C1orf167: variants seen among roughly 807,000 people sequenced by gnomAD.
C1orf167 encodes uncharacterized protein C1orf167.
In C1orf167, 153 loss-of-function variants were observed where a neutral mutation model predicts 176.5. The observed-to-expected ratio is 0.87, with a 90% CI of 0.76 to 0.99. The LOEUF (loss-of-function observed/expected upper bound fraction) is 0.99. Among genes scored for constraint, C1orf167 ranks in the 50% least tolerant of loss-of-function variants. The pLI is 0.00. For missense variants in C1orf167, 1,490 were observed against 1,817.7 expected (o/e 0.82, Z 3.28); for synonymous variants, 594 against 752.7 (o/e 0.79, Z 3.45).
intron 9 of C1orf167, 70 bp from the exon 10 acceptor site, chr1:11,776,394 G>T: frequency 2.1e-5 from 26 of 1,231,994 alleles, no homozygotes; most frequent in Non-Finnish European, 2.7e-5. Flanking sequence ...TGAGGCAGCA[G>T]CTATCAATGG....
chr1:11,781,359 G>A (rs1037299338), intron 13 of C1orf167, among the ~76,000 whole-genome samples: 3 of 152,146 alleles, frequency 2.0e-5, no homozygotes, highest in African/African-American at 7.2e-5. Flanking sequence ...GCCAAATTCT[G>A]TCTGTTAAAA....
chr1:11,772,904 A>ATTATTATTATTATTATT (rs56228938), intron 8 of C1orf167, among the ~76,000 whole-genome samples: 71 of 146,462 alleles, frequency 4.8e-4, no homozygotes, highest in Admixed American at 1.4e-3. Context: ...CATTATTATT[A>ATTATTATTATTATTATT]TTATTATTAT....
Position 11,768,254 on chromosome 1 carries a change from G to A in C1orf167, c.1521G>A (p.Leu507=), listed in dbSNP as rs1177904828. The A allele has an allele frequency of 7.8e-7, 1 of 1,289,966 alleles. No individual in the cohort carries two copies. Among genetic ancestry groups the A allele is most frequent in the Non-Finnish European group, 1.0e-6 (1 of 988,842 alleles). 79.9% of individuals were successfully genotyped at this position (1,289,966 alleles called of 1,614,324 possible). The part of the protein sequence containing the change: ...EAAWGQYTKV[L]LVRSFREWRN... ...CATGGGGGCAGTACACAAAGGTTCT[G>A]CTGGTCCGGAGCTTCCGAGAGGTCA... The change falls in exon 5 of 21, where the codon CTG becomes CTA. Residue 507 remains leucine, a synonymous_variant. Transcript: ENST00000688073. This position sits in a 1 kb window ranked among gnomAD's most constrained non-coding sequence, Gnocchi z 4.5.
At position 11,776,474 on chromosome 1, in the gene C1orf167, T is replaced by C. The variant is rs1470925690; in HGVS notation, c.2175T>C (p.Ala725=). 1 of 1,301,966 alleles carries C rather than the reference T, an allele frequency of 7.7e-7. No homozygotes were observed. Among genetic ancestry groups the C allele is most frequent in the Non-Finnish European group, 1.0e-6 (1 of 988,038 alleles). The allele number at this position is 1,301,966 out of a possible 1,614,324, so 80.7% of individuals were successfully genotyped here. ...SLCRQKAGRE[A]VYTAGPGACG... ...TTGACGGTTTCTCAGGACGTGAGGC[T>C]GTCTACACCGCAGGCCCTGGAGCCT... The change falls in exon 10 of 21, where the codon GCT becomes GCC. Residue 725 remains alanine, a synonymous_variant. Transcript: ENST00000688073.
Position 11,784,575 on chromosome 1 carries a change from C to A in C1orf167, c.3407C>A (p.Ser1136Tyr). ...CRGQVSRAHASWKPRAWVLEA... is the reference protein window; with the variant it reads ...CRGQVSRAHAYWKPRAWVLEA... ...GGCCAGGTCAGCCGAGCCCATGCTT[C>A]CTGGAAGCCGCGAGCCTGGTGAGTG... Residue 1136 changes from serine (S) to tyrosine (Y), a missense_variant, in exon 15 of 21, where the codon TCC becomes TAC. Coordinates refer to ENST00000688073, the MANE Select transcript of C1orf167 (RefSeq NM_001010881.2). The A allele has an allele frequency of 7.9e-7, 1 of 1,260,226 alleles. No individual in the cohort carries two copies. The allele number at this position is 1,260,226 out of a possible 1,614,324, so 78.1% of individuals were successfully genotyped here.
chr1:11,768,857 C>G lies in C1orf167; in HGVS notation c.1543-116C>G. 1.4e-6 allele frequency: 1 copy of G among 714,742 alleles called. No individual in the cohort carries two copies. Among genetic ancestry groups the G allele is most frequent in the Non-Finnish European group, 1.7e-6 (1 of 582,718 alleles). 44.3% of individuals were successfully genotyped at this position (714,742 alleles called of 1,614,324 possible). A position where few individuals can be genotyped will look rare whatever the true frequency, so the allele number is the denominator to read the frequency against. On this transcript the variant is annotated intron_variant, in intron 5 of 20. Transcript: ENST00000688073. The surrounding 1 kb of genome is among the most constrained non-coding windows in gnomAD (Gnocchi z 4.5). ...TGAATAGGCAGAGTAATGGTTAAGA[C>G]CACAGGCTGTGGAATCTGATAGGCA...
In C1orf167 at chr1:11,766,952, TCTC is replaced by T; in HGVS notation, c.1168_1170del (p.Ser390del). On this transcript the variant is annotated inframe_deletion, in exon 3 of 21. Coordinates refer to ENST00000688073, the MANE Select transcript of C1orf167 (RefSeq NM_001010881.2). This position sits in a 1 kb window ranked among gnomAD's most constrained non-coding sequence, Gnocchi z 4.5. ...GGGACCGACCCCTGTTCCTCAGCCT[TCTC>T]CAACACAGCCTGGGGAGTCTCACCC... The T allele has an allele frequency of 8.3e-7, 1 of 1,207,074 alleles. No homozygotes were observed. The highest frequency in any genetic ancestry group is 1.1e-6 in the Non-Finnish European group (1 of 948,722). 74.8% of individuals were successfully genotyped at this position (1,207,074 alleles called of 1,614,324 possible). A position where few individuals can be genotyped will look rare whatever the true frequency, so the allele number is the denominator to read the frequency against.
rs549690629 is a variant in C1orf167 at position 11,766,570 on chromosome 1, C to A, written c.784C>A (p.Pro262Thr). 8.0e-7 allele frequency: 1 copy of A among 1,247,742 alleles called. No homozygotes were observed. 77.3% of individuals were successfully genotyped at this position (1,247,742 alleles called of 1,614,324 possible). A position where few individuals can be genotyped will look rare whatever the true frequency, so the allele number is the denominator to read the frequency against. Reference sequence around the variant, plus strand: ...ACTCAGGTGCCAGGCTCCCCAGGAACCCCCCGGTGCTGTGCAGCAGGACCT... The same window carrying A: ...ACTCAGGTGCCAGGCTCCCCAGGAAACCCCCGGTGCTGTGCAGCAGGACCT... Reference protein sequence around the residue: ...ARLRCQAPQEPPGAVQQDLWT... With the variant: ...ARLRCQAPQETPGAVQQDLWT... Residue 262 changes from proline (P) to threonine (T), a missense_variant, in exon 3 of 21, where the codon CCC becomes ACC. Coordinates refer to ENST00000688073, the MANE Select transcript of C1orf167 (RefSeq NM_001010881.2). This position sits in a 1 kb window ranked among gnomAD's most constrained non-coding sequence, Gnocchi z 4.5.
chr1:11,785,680 C>T (rs769805257), intron 16 of C1orf167: 8 of 163,746 alleles, frequency 4.9e-5, no homozygotes, highest in African/African-American at 7.2e-5. Context: ...TGCTTTCTCA[C>T]GGTGCAGTTG....
intron 18 of C1orf167, 37 bp downstream of exon 18, chr1:11,788,084 G>A (rs1192917766): frequency 1.6e-6 from 2 of 1,280,890 alleles, no homozygotes; most frequent in African/African-American, 1.5e-5. Flanking sequence ...GTGGGTCCGA[G>A]GGATGGGGGC....
At chr1:11,771,071 T>TA (rs1643050943) in intron 6 of C1orf167, among the ~76,000 whole-genome samples, 5 of 16,070 alleles carry the variant, frequency 3.1e-4, no homozygotes, top group Admixed American at 5.2e-4. Context: ...ATATATATAT[T>TA]TTTTTTTTTT....
At chr1:11,763,927 C>T (rs1430713001) in intron 1 of C1orf167, among the ~76,000 whole-genome samples, 1 of 152,092 alleles carries the variant, frequency 6.6e-6, no homozygotes, top group African/African-American at 2.4e-5. Flanking sequence ...ACCAGAAGGC[C>T]GGAGCTGCCA....
At chr1:11,771,674 CCTGG>C in intron 7 of C1orf167, 38 bp downstream of exon 7, 1 of 1,263,298 alleles carries the variant, frequency 7.9e-7, no homozygotes, top group Non-Finnish European at 1.0e-6. Flanking sequence ...GGAGATGGAG[CCTGG>C]CCACGCAGGG....
chr1:11,779,701 C>A, intron 12 of C1orf167, 101 bp from the exon 13 acceptor site: 1 of 931,150 alleles, frequency 1.1e-6, no homozygotes. Context: ...CACCCAGAGC[C>A]TCCTGCTGCT....
Position 11,778,690 on chromosome 1 carries a change from G to A in C1orf167, c.2370G>A (p.Met790Ile), listed in dbSNP as rs770854765. ...TCTTCCAGGGCCTGCAGCAGCGGATGCTGCAGCGCAGCCTGAGATGGTGGC... is the reference window on the plus strand; with the variant it reads ...TCTTCCAGGGCCTGCAGCAGCGGATACTGCAGCGCAGCCTGAGATGGTGGC... ...NSFFQGLQQR[M>I]LQRSLRWWHL... The change falls in exon 11 of 21, where the codon ATG becomes ATA. Residue 790 changes from methionine (M) to isoleucine (I), a missense_variant. Transcript: ENST00000688073. 1.5e-6 allele frequency: 2 copies of A among 1,301,350 alleles called. No individual in the cohort carries two copies. Among genetic ancestry groups the A allele is most frequent in the Non-Finnish European group, 2.0e-6 (2 of 986,654 alleles). 80.6% of individuals were successfully genotyped at this position (1,301,350 alleles called of 1,614,324 possible). A position where few individuals can be genotyped will look rare whatever the true frequency, so the allele number is the denominator to read the frequency against.
Position 11,785,267 on chromosome 1 carries a change from T to C in C1orf167, c.3545T>C (p.Leu1182Pro), listed in dbSNP as rs777302581. Residue 1182 changes from leucine (L) to proline (P), a missense_variant, in exon 16 of 21, where the codon CTG becomes CCG. Leu to Pro is a moderately conservative substitution (Grantham distance 98, BLOSUM62 -3). Coordinates refer to ENST00000688073, the MANE Select transcript of C1orf167 (RefSeq NM_001010881.2). ...CGGACAGTGCAGCTCAGGGTGCGGC[T>C]GGGACTGCCAGGGGCCGGCAAGGTA... ...FLRTVQLRVR[L>P]GLPGAGKTRS... The C allele has an allele frequency of 1.6e-5, 21 of 1,287,764 alleles. No individual in the cohort carries two copies. The highest frequency in any genetic ancestry group is 2.1e-5 in the Non-Finnish European group (21 of 986,254). 79.8% of individuals were successfully genotyped at this position (1,287,764 alleles called of 1,614,324 possible).
At position 11,776,491 on chromosome 1, in the gene C1orf167, C is replaced by A; in HGVS notation, c.2192C>A (p.Pro731His). ...AGREAVYTAG[P>H]GACGLGAVGQ... ...CGTGAGGCTGTCTACACCGCAGGCC[C>A]TGGAGCCTGTGGCCTGGGTGCAGTG... Residue 731 changes from proline (P) to histidine (H), a missense_variant, in exon 10 of 21, where the codon CCT becomes CAT. Pro to His is a moderately conservative substitution (Grantham distance 77, BLOSUM62 -2). Coordinates refer to ENST00000688073, the MANE Select transcript of C1orf167 (RefSeq NM_001010881.2). 7.7e-7 allele frequency: 1 copy of A among 1,302,016 alleles called. No homozygotes were observed. The highest frequency in any genetic ancestry group is 1.0e-6 in the Non-Finnish European group (1 of 988,040). 80.7% of individuals were successfully genotyped at this position (1,302,016 alleles called of 1,614,324 possible). A position where few individuals can be genotyped will look rare whatever the true frequency, so the allele number is the denominator to read the frequency against.
At chr1:11,781,102 A>G (rs1435297687) in intron 13 of C1orf167, among the ~76,000 whole-genome samples, 1 of 147,560 alleles carries the variant, frequency 6.8e-6, no homozygotes, top group East Asian at 2.0e-4. Context: ...GGTTCAAGCA[A>G]TTCTCCTGCC....
At chr1:11,777,203 T>C (rs1643359919) in intron 10 of C1orf167, 2 of 152,736 alleles carry the variant, frequency 1.3e-5, no homozygotes, top group Non-Finnish European at 2.9e-5. Context: ...AGGTCCTGTG[T>C]TGAGACCTGG....
Sources: gnomAD v4.1 joint callset for allele counts (sites outside exome capture counted in the v4.1 genomes callset) on GRCh38, gnomAD v4.1.1 for gene constraint, Gnocchi (gnomAD v3.1) non-coding constraint, MANE v1.5 for transcripts, NCBI Gene and HGNC (gene_info 2026-07-23, HGNC 2026-07-21) for gene names.